FBH1: variants seen among roughly 807,000 people sequenced by gnomAD.
FBH1 encodes the protein DNA 3'-5' helicase 1.
A neutral mutation model predicts 115.5 loss-of-function variants in FBH1; 43 were observed. The observed-to-expected ratio is 0.37, with a 90% confidence interval of 0.29 to 0.48. FBH1 has a LOEUF of 0.48. Ranked by LOEUF, FBH1 falls within the 20% of genes least tolerant of loss-of-function variation. FBH1 has a pLI of 0.99. For synonymous variants in FBH1, 524 were observed against 507.8 expected, an observed-to-expected ratio of 1.03 and a Z score of -0.43; for missense variants, 1,001 against 1,337.3, an observed-to-expected ratio of 0.75 and a Z score of 3.92.
In FBH1 at chr10:5,918,371, T is replaced by C; in HGVS notation, c.1993T>C (p.Cys665Arg). ...AIMNIVLSQP[C>R]GKIFVGDPHQ... is the part of the protein sequence containing the mutation. ...CATGAACATAGTTCTGTCTCAGCCA[T>C]GTGGGAAAATCTTTGTAGGGGACCC... Residue 665 changes from cysteine to arginine, a missense_variant, in exon 13 of 21, where the codon TGT becomes CGT. By Grantham distance (180) the Cys-to-Arg change is radical. This residue lies in a region of FBH1 where 521 missense variants were observed against 811.0 expected (regional missense o/e 0.64). Transcript: ENST00000362091. This position sits in a 1 kb window ranked among gnomAD's most constrained non-coding sequence, Gnocchi z 4.0. The C allele has an allele frequency of 1.9e-6, 3 of 1,613,586 alleles. No individual in the cohort carries two copies. The highest frequency in any genetic ancestry group is 1.1e-5 in the South Asian group (1 of 91,008).
At chr10:5,927,079 A>T (rs897599767) in intron 18 of FBH1, among the ~76,000 whole-genome samples, 4 of 152,204 alleles carry the variant, frequency 2.6e-5, no homozygotes, top group Non-Finnish European at 5.9e-5. Context: ...GGAGTGACTT[A>T]ACCTGTCTAA....
In FBH1 at chr10:5,927,298, G is replaced by A. The variant is rs1832713182; in HGVS notation, c.2723-137G>A. On this transcript the variant is annotated intron_variant, in intron 18 of 20. Coordinates refer to ENST00000362091, the MANE Select transcript of FBH1 (RefSeq NM_178150.3). ...GAATTGGCATTTGTAGGAAAATTTT[G>A]TATTTACAGCCAACAAATGTTGAGT... The A allele has an allele frequency of 5.0e-6, 3 of 603,320 alleles. No homozygotes were observed. In the African/African-American group the frequency reaches 5.7e-5, roughly 11 times the overall value. The allele number at this position is 603,320 out of a possible 1,614,324, so 37.4% of individuals were successfully genotyped here. A position where few individuals can be genotyped will look rare whatever the true frequency, so the allele number is the denominator to read the frequency against.
rs1842943975 is a variant in FBH1 at position 5,895,263 on chromosome 10, G to C, written c.1+4917G>C. The C allele has an allele frequency of 6.7e-7, 1 of 1,487,332 alleles. No individual in the cohort carries two copies. Among genetic ancestry groups the C allele is most frequent in the Non-Finnish European group, 9.1e-7 (1 of 1,103,572 alleles). 92.1% of individuals were successfully genotyped at this position (1,487,332 alleles called of 1,614,324 possible). On this transcript the variant is annotated intron_variant, in intron 1 of 20. Coordinates refer to ENST00000362091, the MANE Select transcript of FBH1 (RefSeq NM_178150.3). The surrounding 1 kb of genome is among the most constrained non-coding windows in gnomAD (Gnocchi z 5.0). ...GTCCAGATTAGCAAAACTGCCCTCT[G>C]TGGATCTTTGTTAAAGTTGGGTATG... is the stretch of plus-strand genomic sequence containing the variant.
chr10:5,914,783 A>G lies in FBH1; in HGVS notation c.1396+514A>G, dbSNP rs1831822946. ...TTTCATCACAGCCTTTGCTCGTGCT[A>G]TTTGCTATTTTTTTTCTGCCTGTAA... On this transcript the variant is annotated intron_variant, in intron 8 of 20. Coordinates refer to ENST00000362091, the MANE Select transcript of FBH1 (RefSeq NM_178150.3). This position sits in a 1 kb window ranked among gnomAD's most constrained non-coding sequence, Gnocchi z 5.2. Among the ~76,000 whole-genome samples, 1 of 151,922 alleles carries G rather than the reference A, an allele frequency of 6.6e-6. No homozygotes were observed. Among genetic ancestry groups the G allele is most frequent in the Non-Finnish European group, 1.5e-5 (1 of 67,990 alleles).
chr10:5,916,538 CAGGGGAAG>C, intron 10 of FBH1, 82 bp downstream of exon 10: 1 of 1,155,198 alleles, frequency 8.7e-7, no homozygotes, highest in Non-Finnish European at 1.2e-6. Context: ...GATGGGGAAA[CAGGGGAAG>C]TGTTAGGGGT....
chr10:5,917,981 C>G lies in FBH1; in HGVS notation c.1963+305C>G, dbSNP rs1020580619. Among the ~76,000 whole-genome samples the G allele has an allele frequency of 6.6e-6, 1 of 152,196 alleles. No homozygotes were observed. ...ATTGACAGGGAAAAGCTTGTGTTGT[C>G]TACTTCTCAAGTGGCTAGGAGAGAA... On this transcript the variant is annotated intron_variant, in intron 12 of 20. Transcript: ENST00000362091. The surrounding 1 kb of genome is among the most constrained non-coding windows in gnomAD (Gnocchi z 5.6).
Position 5,910,590 on chromosome 10 carries a change from A to G in FBH1, c.1021-348A>G, listed in dbSNP as rs1018427381. On this transcript the variant is annotated intron_variant, in intron 5 of 20. Coordinates refer to ENST00000362091, the MANE Select transcript of FBH1 (RefSeq NM_178150.3). This position sits in a 1 kb window ranked among gnomAD's most constrained non-coding sequence, Gnocchi z 4.8. ...GTTTTGCTCTGGCCCTGCCAAGCAC[A>G]TATGGACCTGAGAGCCCCCATGGCC... Among the ~76,000 whole-genome samples the G allele has an allele frequency of 2.6e-5, 4 of 152,160 alleles. No individual in the cohort carries two copies. Among genetic ancestry groups the G allele is most frequent in the African/African-American group, 9.7e-5 (4 of 41,432 alleles).
rs1338037375 is a variant in FBH1 at position 5,900,226 on chromosome 10, G to A, written c.2-2794G>A. On this transcript the variant is annotated intron_variant, in intron 1 of 20. Coordinates refer to ENST00000362091, the MANE Select transcript of FBH1 (RefSeq NM_178150.3). The surrounding 1 kb of genome is among the most constrained non-coding windows in gnomAD (Gnocchi z 4.2). ...CTCACATAAGCCTTGTTAAATAGAG[G>A]AAACAGGTAAGTTTGTATGCATGCA... Among the ~76,000 whole-genome samples, 1 of 152,244 alleles carries A rather than the reference G, an allele frequency of 6.6e-6. No homozygotes were observed. The highest frequency in any genetic ancestry group is 2.4e-5 in the African/African-American group (1 of 41,458).
At chr10:5,901,323 AT>A (rs1843334587) in intron 1 of FBH1, among the ~76,000 whole-genome samples, 1 of 151,504 alleles carries the variant, frequency 6.6e-6, no homozygotes, top group East Asian at 2.0e-4. Context: ...TGCCCAGCTA[AT>A]TTTTTCTATT....
rs887339441 is a variant in FBH1 at position 5,935,070 on chromosome 10, T to G, written c.2830-1386T>G. ...AAAATCTAAAGAAATCAGAGAACAC[T>G]GCATGTTAGGTTAAGTCATGTTTTG... is the stretch of plus-strand genomic sequence containing the variant. On this transcript the variant is annotated intron_variant, in intron 19 of 20. Coordinates refer to ENST00000362091, the MANE Select transcript of FBH1 (RefSeq NM_178150.3). The surrounding 1 kb of genome is among the most constrained non-coding windows in gnomAD (Gnocchi z 5.2). 6.6e-6 allele frequency: 1 copy of G among 152,248 alleles called. No homozygotes were observed. The highest frequency in any genetic ancestry group is 1.5e-5 in the Non-Finnish European group (1 of 68,038). The allele number at this position is 152,248 out of a possible 1,614,324, so 9.4% of individuals were successfully genotyped here.
chr10:5,893,849 G>C (rs1488012003), intron 1 of FBH1: 3 of 288,228 alleles, frequency 1.0e-5, no homozygotes, highest in Non-Finnish European at 1.6e-5. Flanking sequence ...CTGGGACATA[G>C]CAGATACGTA....
upstream of FBH1, chr10:5,889,827 CAGGGTGGCTCCT>C (rs1298280511): frequency 1.9e-5 from 3 of 156,758 alleles, no homozygotes; most frequent in African/African-American, 7.2e-5. Context: ...CGGCGCCGTG[CAGGGTGGCTCCT>C]GAGGCAGCCA....
chr10:5,894,984 A>G, intron 1 of FBH1: 1 of 1,548,630 alleles, frequency 6.5e-7, no homozygotes, highest in Non-Finnish European at 8.8e-7. Context: ...GGCTTGAGTG[A>G]ATACTTTTAT....
Position 5,923,769 on chromosome 10 carries a change from A to G in FBH1, c.2398+73A>G. ...ACAGGGACGAGAAAGAAGCAGGCCC[A>G]GTCTGAGTCAGGGACCCGTTTCCCT... is the stretch of plus-strand genomic sequence containing the variant. On this transcript the variant is annotated intron_variant, in intron 16 of 20. Coordinates refer to ENST00000362091, the MANE Select transcript of FBH1 (RefSeq NM_178150.3). This position sits in a 1 kb window ranked among gnomAD's most constrained non-coding sequence, Gnocchi z 5.7. 1.4e-6 allele frequency: 2 copies of G among 1,380,882 alleles called. No individual in the cohort carries two copies. The highest frequency in any genetic ancestry group is 2.0e-6 in the Non-Finnish European group (2 of 979,652). 85.5% of individuals were successfully genotyped at this position (1,380,882 alleles called of 1,614,324 possible).
Position 5,923,030 on chromosome 10 carries a change from C to T in FBH1, c.2323-591C>T, listed in dbSNP as rs1399178121. Among the ~76,000 whole-genome samples the T allele has an allele frequency of 1.3e-5, 2 of 152,108 alleles. No individual in the cohort carries two copies. The highest frequency in any genetic ancestry group is 2.9e-5 in the Non-Finnish European group (2 of 68,026). ...CCTGACTAGCTGGGACCATAGGCGCCTGCCACCACACCCGGCTAATTTTTG... is the reference window on the plus strand; with the variant it reads ...CCTGACTAGCTGGGACCATAGGCGCTTGCCACCACACCCGGCTAATTTTTG... On this transcript the variant is annotated intron_variant, in intron 15 of 20. Coordinates refer to ENST00000362091, the MANE Select transcript of FBH1 (RefSeq NM_178150.3). This position sits in a 1 kb window ranked among gnomAD's most constrained non-coding sequence, Gnocchi z 5.7.
intron 3 of FBH1, among the ~76,000 whole-genome samples, chr10:5,907,922 C>T (rs1843814874): frequency 6.6e-6 from 1 of 152,114 alleles, no homozygotes; most frequent in African/African-American, 2.4e-5. Flanking sequence ...TGTTTTGTGG[C>T]CTAACAGGTG....
intron 2 of FBH1, among the ~76,000 whole-genome samples, chr10:5,904,308 C>G (rs773529656): frequency 1.2e-4 from 18 of 152,228 alleles, no homozygotes; most frequent in Non-Finnish European, 2.9e-5. Context: ...GCCAGGATTA[C>G]AGGTGCGAGC....
intron 15 of FBH1, among the ~76,000 whole-genome samples, chr10:5,922,664 G>A (rs1199804076): frequency 1.3e-5 from 2 of 152,170 alleles, no homozygotes; most frequent in African/African-American, 2.4e-5. Context: ...TTTTATGTGA[G>A]TGTTTTATGT....
rs866640941 is a variant in FBH1, at chr10:5,903,158, CAA to C, written c.144_145del (p.Gly50GlufsTer2). ...CATGGTCTCTATCCTAAACCGAGAA[CAA>C]AAAGAGGGAGTAGGGGTATGTCTCC... is the stretch of plus-strand genomic sequence containing the variant. On this transcript the variant is annotated frameshift_variant, in exon 2 of 21. Coordinates refer to ENST00000362091, the MANE Select transcript of FBH1 (RefSeq NM_178150.3). LOFTEE classifies it high-confidence loss of function. 1 of 1,609,684 alleles carries C rather than the reference CAA, an allele frequency of 6.2e-7. No individual in the cohort carries two copies. The highest frequency in any genetic ancestry group is 2.2e-5 in the East Asian group (1 of 44,742).
Sources: gnomAD v4.1 joint callset for allele counts (sites outside exome capture counted in the v4.1 genomes callset) on GRCh38, gnomAD v4.1.1 for gene constraint, gnomAD v4.1.1 regional missense constraint, Gnocchi (gnomAD v3.1) non-coding constraint, MANE v1.5 for transcripts, NCBI Gene and HGNC (gene_info 2026-07-23, HGNC 2026-07-21) for gene names.